The following PICK1 variants were observed in gnomAD, a reference collection of about 807,000 sequenced individuals.
PICK1 encodes the protein PRKCA-binding protein.
In PICK1, 23 loss-of-function variants were observed where a neutral mutation model predicts 48.9. That is an observed-to-expected ratio of 0.47 (90% confidence interval 0.34 to 0.67). PICK1 has a LOEUF of 0.67. Among genes scored for constraint, PICK1 ranks in the 30% least tolerant of loss-of-function variants. The pLI, the probability that PICK1 is intolerant of heterozygous loss-of-function variation, is 0.01. For missense variants in PICK1, 423 were observed against 557.1 expected (o/e 0.76, Z 2.42); for synonymous variants, 217 against 228.2 (o/e 0.95, Z 0.44).
chr22:38,064,970 C>T (rs924714914), intron 3 of PICK1, 32 bp from the exon 4 acceptor site: 3 of 1,613,182 alleles, frequency 1.9e-6, no homozygotes, highest in Non-Finnish European at 2.5e-6. Flanking sequence ...CCCTCCCTTT[C>T]TTCCCCCACC....
Position 38,074,563 on chromosome 22 carries a change from A to C in PICK1, c.979+112A>C, listed in dbSNP as rs774875959. ...GGCCCAGATGTAAAGCCCCTCCAGG[A>C]GCCCAGCCATCTGCCCAGAGCCTGG... On this transcript the variant is annotated intron_variant, in intron 12 of 12. Transcript: ENST00000356976. The surrounding 1 kb of genome is among the most constrained non-coding windows in gnomAD (Gnocchi z 4.5). The C allele has an allele frequency of 6.8e-4, 973 of 1,437,032 alleles. 1 individual carries two copies. The highest frequency in any genetic ancestry group is 9.0e-4 in the Non-Finnish European group (943 of 1,042,542). The allele number at this position is 1,437,032 out of a possible 1,614,324, so 89.0% of individuals were successfully genotyped here.
At position 38,066,050 on chromosome 22, in the gene PICK1, C is replaced by T. The variant is rs1039160112; in HGVS notation, c.282+920C>T. On this transcript the variant is annotated intron_variant, in intron 4 of 12. Coordinates refer to ENST00000356976, the MANE Select transcript of PICK1 (RefSeq NM_012407.4). The surrounding 1 kb of genome is among the most constrained non-coding windows in gnomAD (Gnocchi z 4.1). ...CCTCCTGTCCTGCTCCTGAGTAGTC[C>T]GTGCTTCTCTCCTTCCTTGCTGTAG... 5.9e-5 allele frequency among the ~76,000 whole-genome samples: 9 copies of T among 152,316 alleles called. No homozygotes were observed. Among genetic ancestry groups the T allele is most frequent in the Non-Finnish European group, 8.8e-5 (6 of 68,034 alleles).
chr22:38,067,664 T>A (rs1232151549), intron 4 of PICK1, 40 bp from the exon 5 acceptor site: 1 of 1,578,910 alleles, frequency 6.3e-7, no homozygotes. Flanking sequence ...GCTCAGGGTG[T>A]GGAGCCTCGC....
intron 3 of PICK1, among the ~76,000 whole-genome samples, chr22:38,061,334 C>T (rs1271198133): frequency 7.0e-6 from 1 of 143,548 alleles, no homozygotes; most frequent in Non-Finnish European, 1.5e-5. Context: ...GAGTGAGACT[C>T]CGTCTCAAAA....
chr22:38,060,363 G>A (rs2085370205), intron 3 of PICK1, among the ~76,000 whole-genome samples: 1 of 152,252 alleles, frequency 6.6e-6, no homozygotes, highest in Admixed American at 6.5e-5. Context: ...TCTGTCCACT[G>A]TAACTCAGGA....
Position 38,057,585 on chromosome 22 carries a change from C to G in PICK1, c.-60C>G. The G allele has an allele frequency of 1.7e-6, 1 of 597,490 alleles. No individual in the cohort carries two copies. Among genetic ancestry groups the G allele is most frequent in the Non-Finnish European group, 3.0e-6 (1 of 333,854 alleles). 37.0% of individuals were successfully genotyped at this position (597,490 alleles called of 1,614,324 possible). A position where few individuals can be genotyped will look rare whatever the true frequency, so the allele number is the denominator to read the frequency against. On this transcript the variant is annotated splice_region_variant and 5_prime_UTR_variant, in exon 1 of 13. Transcript: ENST00000356976. ...CCTGGCCTGGAGCCCCCCTTTGTACCTAGTAAGAATCACCTACCCAGCCCC... is the reference window on the plus strand; with the variant it reads ...CCTGGCCTGGAGCCCCCCTTTGTACGTAGTAAGAATCACCTACCCAGCCCC...
Position 38,075,236 on chromosome 22 carries a change from C to A in PICK1, c.*104C>A. On this transcript the variant is annotated 3_prime_UTR_variant, in exon 13 of 13. Coordinates refer to ENST00000356976, the MANE Select transcript of PICK1 (RefSeq NM_012407.4). ...GGGGCGACGCATAAAGGCCTGCTGG[C>A]TTGGGGCGCCTGCCTCCCTGCTCCT... 1.8e-6 allele frequency: 2 copies of A among 1,136,546 alleles called. No homozygotes were observed. Among genetic ancestry groups the A allele is most frequent in the Non-Finnish European group, 2.4e-6 (2 of 820,298 alleles). The allele number at this position is 1,136,546 out of a possible 1,614,324, so 70.4% of individuals were successfully genotyped here.
Position 38,074,267 on chromosome 22 carries a change from C to T in PICK1, c.835-40C>T, listed in dbSNP as rs768285761. The T allele has an allele frequency of 9.3e-6, 15 of 1,610,158 alleles. No individual in the cohort carries two copies. The highest frequency in any genetic ancestry group is 1.2e-5 in the Non-Finnish European group (14 of 1,178,336). ...TTTGAAAGCACAGTGCGGTGCGAGGCCGTCCCTGAGCAGGCACTCCTGTCC... is the reference window on the plus strand; with the variant it reads ...TTTGAAAGCACAGTGCGGTGCGAGGTCGTCCCTGAGCAGGCACTCCTGTCC... On this transcript the variant is annotated intron_variant, in intron 11 of 12. Coordinates refer to ENST00000356976, the MANE Select transcript of PICK1 (RefSeq NM_012407.4). This position sits in a 1 kb window ranked among gnomAD's most constrained non-coding sequence, Gnocchi z 4.5.
upstream of PICK1, chr22:38,057,357 C>G (rs557965261): frequency 9.0e-6 from 2 of 222,876 alleles, no homozygotes; most frequent in South Asian, 1.4e-4. Context: ...GAGCAAATAT[C>G]CAGTGGGGGG....
intron 7 of PICK1, 74 bp from the exon 8 acceptor site, chr22:38,071,608 T>C (rs2085694906): frequency 7.5e-7 from 1 of 1,325,114 alleles, no homozygotes; most frequent in African/African-American, 1.4e-5. Flanking sequence ...GCATGGGCAA[T>C]TGGAGGCCTT....
intron 3 of PICK1, 90 bp from the exon 4 acceptor site, chr22:38,064,911 GA>G: frequency 1.4e-6 from 2 of 1,480,614 alleles, no homozygotes; most frequent in South Asian, 2.3e-5. Context: ...GGGTAGAGTG[GA>G]AGACAGAGCC....
chr22:38,068,871 C>T (rs2085600342), intron 5 of PICK1, among the ~76,000 whole-genome samples, 162 bp from the exon 6 acceptor site: 1 of 152,220 alleles, frequency 6.6e-6, no homozygotes, highest in South Asian at 2.1e-4. Flanking sequence ...GGGAATAGGG[C>T]AGGGGCCTAG....
rs924841820 is a variant in PICK1, at chr22:38,058,867, C to T, written c.42-367C>T. On this transcript the variant is annotated intron_variant, in intron 2 of 12. Transcript: ENST00000356976. ...TAAAAATACAAAAAAATCAGCCAGGCGTGGTGGCAGGCACCTGTAGTCCCA... is the reference window on the plus strand; with the variant it reads ...TAAAAATACAAAAAAATCAGCCAGGTGTGGTGGCAGGCACCTGTAGTCCCA... Among the ~76,000 whole-genome samples the T allele has an allele frequency of 2.5e-4, 38 of 152,118 alleles. 1 individual carries two copies. Among genetic ancestry groups the T allele is most frequent in the Non-Finnish European group, 7.4e-5 (5 of 68,010 alleles).
intron 5 of PICK1, 60 bp from the exon 6 acceptor site, chr22:38,068,973 G>A: frequency 7.2e-7 from 1 of 1,384,028 alleles, no homozygotes; most frequent in Non-Finnish European, 1.0e-6. Flanking sequence ...AGGTAAGGCT[G>A]GGGGCAGGGA....
rs770188407 is a variant in PICK1, at chr22:38,073,861, C to G, written c.834+38C>G. The G allele has an allele frequency of 7.7e-5, 124 of 1,601,046 alleles. No homozygotes were observed. The highest frequency in any genetic ancestry group is 1.0e-4 in the Non-Finnish European group (120 of 1,168,952). On this transcript the variant is annotated intron_variant, in intron 11 of 12. Coordinates refer to ENST00000356976, the MANE Select transcript of PICK1 (RefSeq NM_012407.4). This position sits in a 1 kb window ranked among gnomAD's most constrained non-coding sequence, Gnocchi z 5.7. Reference sequence around the variant, plus strand: ...GGGGGTGGGGGGCTTGTACTTCCCCCCACCTGGTCTGCCAGGGATAGCAGG... The same window carrying G: ...GGGGGTGGGGGGCTTGTACTTCCCCGCACCTGGTCTGCCAGGGATAGCAGG...
At position 38,072,554 on chromosome 22, in the gene PICK1, G is replaced by C; in HGVS notation, c.634G>C (p.Asp212His). The C allele has an allele frequency of 1.2e-6, 2 of 1,613,452 alleles. No homozygotes were observed. The highest frequency in any genetic ancestry group is 8.5e-7 in the Non-Finnish European group (1 of 1,180,036). ...GAGCGAGGCTTTTGTGAAGTTCGCC[G>C]ATGCCCACCGCAGCATCGAGAAGTT... ...AASEAFVKFA[D>H]AHRSIEKFGI... Residue 212 changes from aspartate (D) to histidine (H), a missense_variant, in exon 9 of 13, where the codon GAT becomes CAT. By Grantham distance (81) the Asp-to-His change is moderately conservative. Around this residue, in one of 2 missense-constraint regions of PICK1, gnomAD observed 279 missense variants for 417.8 expected, o/e 0.67. Coordinates refer to ENST00000356976, the MANE Select transcript of PICK1 (RefSeq NM_012407.4).
intron 4 of PICK1, among the ~76,000 whole-genome samples, chr22:38,067,135 G>A (rs968444340): frequency 3.9e-5 from 6 of 152,050 alleles, no homozygotes; most frequent in African/African-American, 1.2e-4. Flanking sequence ...TGACCTGGCC[G>A]AAGCACAAGA....
Position 38,072,636 on chromosome 22 carries a change from T to G in PICK1, c.690+26T>G, listed in dbSNP as rs150278412. ...GTAGGTCCTATTGAGCATGTGTGTG[T>G]CTGGCGTGTGAGGGTGGGGAGGGGA... On this transcript the variant is annotated intron_variant, in intron 9 of 12. Transcript: ENST00000356976. 6,669 of 1,611,862 alleles carry G rather than the reference T, an allele frequency of 4.1e-3. 28 individuals carry two copies. The highest frequency in any genetic ancestry group is 0.016 in the Middle Eastern group (100 of 6,062).
rs113379173 is a variant in PICK1 at position 38,074,587 on chromosome 22, G to T, written c.979+136G>T. On this transcript the variant is annotated intron_variant, in intron 12 of 12. Coordinates refer to ENST00000356976, the MANE Select transcript of PICK1 (RefSeq NM_012407.4). The surrounding 1 kb of genome is among the most constrained non-coding windows in gnomAD (Gnocchi z 4.5). ...GAGCCCAGCCATCTGCCCAGAGCCT[G>T]GCCTGGGTGGAGCTGGCCTGTGCGC... 1 of 1,293,268 alleles carries T rather than the reference G, an allele frequency of 7.7e-7. No homozygotes were observed. The allele number at this position is 1,293,268 out of a possible 1,614,324, so 80.1% of individuals were successfully genotyped here.
Sources: allele counts gnomAD v4.1 joint callset (sites outside exome capture counted in the v4.1 genomes callset), GRCh38; gene constraint gnomAD v4.1.1; regional missense constraint gnomAD v4.1.1; non-coding constraint Gnocchi (gnomAD v3.1); transcripts MANE v1.5; gene names NCBI Gene and HGNC (gene_info 2026-07-23, HGNC 2026-07-21).